KIRREL2: variants seen among roughly 807,000 people sequenced by gnomAD.
The protein encoded by KIRREL2 is kin of IRRE-like protein 2.
KIRREL2 carries 56 observed loss-of-function variants against 73.4 expected under a neutral mutation model. The observed-to-expected ratio is 0.76, with a 90% CI of 0.62 to 0.95. The LOEUF is 0.95. Among genes scored for constraint, KIRREL2 ranks in the 40% least tolerant of loss-of-function variants. The probability of loss-of-function intolerance (pLI) is 0.00; values close to 1 mark genes in which losing one functional copy is unlikely to be tolerated. For missense variants in KIRREL2, 896 were observed against 935.0 expected (o/e 0.96, Z 0.54); for synonymous variants, 407 against 404.0 (o/e 1.01, Z -0.09).
chr19:35,852,617 GGC>G (rs566002111), upstream of KIRREL2, among the ~76,000 whole-genome samples: 10 of 152,190 alleles, frequency 6.6e-5, no homozygotes, highest in South Asian at 2.1e-3. Context: ...GCACATGCCA[GGC>G]GCGTTCCTCG....
At chr19:35,851,933 C>G (rs1973277558), upstream of KIRREL2, 2 of 1,055,762 alleles carry the variant, frequency 1.9e-6, no homozygotes, top group African/African-American at 3.2e-5. Flanking sequence ...TCTCTGCCAC[C>G]TGCTTTTCTT....
chr19:35,851,986 C>T, upstream of KIRREL2: 1 of 690,180 alleles, frequency 1.4e-6, no homozygotes, highest in Admixed American at 2.3e-5. Flanking sequence ...TCGTTTTCCT[C>T]TTCCCCTCTT....
rs555224959 is a variant in KIRREL2, at chr19:35,858,438, C to T, written c.242C>T (p.Ala81Val). 6.2e-7 allele frequency: 1 copy of T among 1,613,976 alleles called. No homozygotes were observed. Among genetic ancestry groups the T allele is most frequent in the African/African-American group, 1.3e-5 (1 of 74,926 alleles). The change falls in exon 3 of 15, where the codon GCA (alanine) becomes GTA (valine). Residue 81 changes from alanine (A) to valine (V), a missense_variant. Ala to Val is a moderately conservative substitution (Grantham distance 64). Transcript: ENST00000360202. Reference sequence around the variant, plus strand: ...TCCCGGTACTGGATATCAGGGAATGCAGCCAATGGCCAGCATGACCTCCAC... The same window carrying T: ...TCCCGGTACTGGATATCAGGGAATGTAGCCAATGGCCAGCATGACCTCCAC... ...GWSRYWISGN[A>V]ANGQHDLHIR... is the part of the protein sequence containing the mutation.
chr19:35,859,366 T>C (rs1227177400), intron 4 of KIRREL2, 115 bp from the exon 5 acceptor site: 1 of 848,788 alleles, frequency 1.2e-6, no homozygotes, highest in Non-Finnish European at 1.8e-6. Context: ...CAGCTATCAT[T>C]AGTGTTAGTA....
In KIRREL2 at chr19:35,861,619, C is replaced by T. The variant is rs2146866764; in HGVS notation, c.1268C>T (p.Ala423Val). Residue 423 changes from alanine to valine, a missense_variant, in exon 10 of 15, where the codon GCC becomes GTC. Ala to Val is a moderately conservative substitution (Grantham distance 64, BLOSUM62 0). Transcript: ENST00000360202. ...GCTCGCCTCCAGTGTCTGGTTTTCG[C>T]CTCTCCCGCCCCAGATGCCGTGGTA... ...GPARLQCLVF[A>V]SPAPDAVVWS... is the part of the protein sequence containing the mutation. 3 of 1,613,490 alleles carry T rather than the reference C, an allele frequency of 1.9e-6. No individual in the cohort carries two copies. Among genetic ancestry groups the T allele is most frequent in the African/African-American group, 1.3e-5 (1 of 74,984 alleles).
rs1427395584 is a variant in KIRREL2 at position 35,857,504 on chromosome 19, TTC to T, written c.211+15_211+16del. 1 of 1,560,022 alleles carries T rather than the reference TTC, an allele frequency of 6.4e-7. No homozygotes were observed. The highest frequency in any genetic ancestry group is 8.7e-7 in the Non-Finnish European group (1 of 1,154,750). ...CAAAGGGACCTACCAGGTAAGAGTGTTCTCTCCACGCTGGGACGGGCTGGCTA... is the reference window on the plus strand; with the variant it reads ...CAAAGGGACCTACCAGGTAAGAGTGTTCTCCACGCTGGGACGGGCTGGCTA... On this transcript the variant is annotated intron_variant, in intron 2 of 14. Transcript: ENST00000360202.
chr19:35,857,024 G>A lies in KIRREL2; in HGVS notation c.-96G>A, dbSNP rs1444140237. The A allele has an allele frequency of 2.4e-6, 3 of 1,271,314 alleles. No individual in the cohort carries two copies. Among genetic ancestry groups the A allele is most frequent in the Non-Finnish European group, 3.4e-6 (3 of 870,500 alleles). 78.8% of individuals were successfully genotyped at this position (1,271,314 alleles called of 1,614,324 possible). On this transcript the variant is annotated 5_prime_UTR_variant, in exon 1 of 15. Coordinates refer to ENST00000360202, the MANE Select transcript of KIRREL2 (RefSeq NM_199180.4). ...GCTGGGCGAAGAGTCGAGCGTGAAG[G>A]GGGCTCCGGGCCAGGGTGACAGGAG...
At position 35,857,071 on chromosome 19, in the gene KIRREL2, T is replaced by C. The variant is rs776502131; in HGVS notation, c.-49T>C. ...GGAGGCGTGCTTGAGAGGAAGAAGTTGACGGGAAGGCCAGTGCGACGGCAA... is the reference window on the plus strand; with the variant it reads ...GGAGGCGTGCTTGAGAGGAAGAAGTCGACGGGAAGGCCAGTGCGACGGCAA... On this transcript the variant is annotated 5_prime_UTR_variant, in exon 1 of 15. Coordinates refer to ENST00000360202, the MANE Select transcript of KIRREL2 (RefSeq NM_199180.4). The C allele has an allele frequency of 1.2e-6, 2 of 1,602,698 alleles. No homozygotes were observed. Among genetic ancestry groups the C allele is most frequent in the South Asian group, 2.2e-5 (2 of 90,844 alleles).
At chr19:35,864,176 TTTGTTGTTG>T (rs113984862) in intron 13 of KIRREL2, among the ~76,000 whole-genome samples, 11 of 148,584 alleles carry the variant, frequency 7.4e-5, no homozygotes, top group South Asian at 6.4e-4. Context: ...ACAGCCCGTT[TTTGTTGTTG>T]TTGTTGTTGT....
Position 35,861,178 on chromosome 19 carries a change from C to T in KIRREL2, c.1113C>T (p.Gly371=), listed in dbSNP as rs1049448859. ...RLPSVGPEDA[G]DYVCRAEAGL... ...CGTCGGTGGGGCCCGAGGACGCAGG[C>T]GACTATGTGTGCAGAGCTGAGGCTG... The change falls in exon 9 of 15, where the codon GGC becomes GGT. Residue 371 remains glycine (G), a synonymous_variant. Coordinates refer to ENST00000360202, the MANE Select transcript of KIRREL2 (RefSeq NM_199180.4). 2 of 1,582,556 alleles carry T rather than the reference C, an allele frequency of 1.3e-6. No homozygotes were observed. Among genetic ancestry groups the T allele is most frequent in the Non-Finnish European group, 1.7e-6 (2 of 1,166,942 alleles).
upstream of KIRREL2, chr19:35,856,768 C>T (rs1054466258): frequency 4.9e-6 from 2 of 408,254 alleles, no homozygotes; most frequent in Non-Finnish European, 9.1e-6. This position sits in a 1 kb window ranked among gnomAD's most constrained non-coding sequence, Gnocchi z 5.9. Context: ...GAGCTGGGGG[C>T]GCCCACCCGC....
At chr19:35,851,559 G>C, upstream of KIRREL2, 1 of 1,613,898 alleles carries the variant, frequency 6.2e-7, no homozygotes, top group Non-Finnish European at 8.5e-7. Context: ...GCACTGCCAG[G>C]GGTGCTGACC....
At chr19:35,853,507 A>G (rs1233338397), upstream of KIRREL2, among the ~76,000 whole-genome samples, 19 of 151,462 alleles carry the variant, frequency 1.3e-4, no homozygotes, top group Admixed American at 1.2e-3. Context: ...ATCTTGATTT[A>G]TCTTTCTTTC....
chr19:35,862,033 C>G lies in KIRREL2; in HGVS notation c.1510+9C>G, dbSNP rs1249039248. 3 of 1,599,398 alleles carry G rather than the reference C, an allele frequency of 1.9e-6. No individual in the cohort carries two copies. The highest frequency in any genetic ancestry group is 3.5e-5 in the Admixed American group (2 of 57,212). On this transcript the variant is annotated intron_variant, in intron 11 of 14. Coordinates refer to ENST00000360202, the MANE Select transcript of KIRREL2 (RefSeq NM_199180.4). The stretch of plus-strand genomic sequence containing the variant: ...CAGCCTGGGCCGTAGAGGTGAGACC[C>G]CAGCCCGAAGACCCCAAATCTGGAG...
chr19:35,854,634 C>T (rs1001256808), upstream of KIRREL2, among the ~76,000 whole-genome samples: 1 of 152,150 alleles, frequency 6.6e-6, no homozygotes, highest in African/African-American at 2.4e-5. Context: ...ATTTATCTTT[C>T]TATCTTTCTC....
At chr19:35,852,589 G>A (rs1973298497), upstream of KIRREL2, among the ~76,000 whole-genome samples, 1 of 151,936 alleles carries the variant, frequency 6.6e-6, no homozygotes, top group South Asian at 2.1e-4. Context: ...CCCAGCTGGA[G>A]CATAAAATCC....
chr19:35,860,480 G>C (rs1381995877), intron 6 of KIRREL2, 39 bp from the exon 7 acceptor site: 1 of 1,603,210 alleles, frequency 6.2e-7, no homozygotes, highest in South Asian at 1.1e-5. Flanking sequence ...GTGTGCCAGA[G>C]AGGCCAGGAC....
At position 35,861,370 on chromosome 19, in the gene KIRREL2, G is replaced by T. The variant is rs192611429; in HGVS notation, c.1189+116G>T. ...GGAAGGAGCTTTACACCCAGCGGGG[G>T]CTGGAGACCGGACCTATTGAAGGCG... On this transcript the variant is annotated intron_variant, in intron 9 of 14. Coordinates refer to ENST00000360202, the MANE Select transcript of KIRREL2 (RefSeq NM_199180.4). The T allele has an allele frequency of 1.2e-3, 1,765 of 1,489,854 alleles. 2 individuals are homozygous for T. The highest frequency in any genetic ancestry group is 1.3e-3 in the Non-Finnish European group (1,492 of 1,112,296). 92.3% of individuals were successfully genotyped at this position (1,489,854 alleles called of 1,614,324 possible).
chr19:35,851,682 C>T (rs1337702956), upstream of KIRREL2: 1 of 1,608,028 alleles, frequency 6.2e-7, no homozygotes, highest in Non-Finnish European at 8.5e-7. Context: ...CCTGAGGACA[C>T]AGCGCGGTGC....
Sources: allele counts gnomAD v4.1 joint callset (sites outside exome capture counted in the v4.1 genomes callset), GRCh38; gene constraint gnomAD v4.1.1; non-coding constraint Gnocchi (gnomAD v3.1); transcripts MANE v1.5; gene names NCBI Gene and HGNC (gene_info 2026-07-23, HGNC 2026-07-21).